Variants in TBCK observed in about 807,000 individuals in gnomAD.
TBCK encodes TBC domain-containing protein kinase-like protein.
TBCK carries 99 observed loss-of-function variants against 113.4 expected under a neutral mutation model. The observed-to-expected ratio is 0.87, with a 90% CI of 0.74 to 1.03. The LOEUF is 1.03. TBCK is among the 50% of genes least tolerant of loss of function. The probability of loss-of-function intolerance (pLI) is 0.00; values close to 1 mark genes in which losing one functional copy is unlikely to be tolerated. For synonymous variants in TBCK, 369 were observed against 370.8 expected (o/e 1.00, Z 0.05); for missense variants, 1,045 against 1,061.3 (o/e 0.98, Z 0.21).
chr4:106,112,217 G>A (rs1041945994), intron 24 of TBCK, among the ~76,000 whole-genome samples: 6 of 152,246 alleles, frequency 3.9e-5, no homozygotes, highest in African/African-American at 1.2e-4. Flanking sequence ...GCTAGGTTAT[G>A]ACCCTGATAT....
At chr4:106,058,027 T>C (rs1265238118) in intron 25 of TBCK, among the ~76,000 whole-genome samples, 1 of 151,764 alleles carries the variant, frequency 6.6e-6, no homozygotes, top group East Asian at 1.9e-4. Context: ...AAAGGTGTAG[T>C]CTACTGCAAA....
Position 106,043,237 on chromosome 4 carries a change from T to C in TBCK, c.*3333A>G, listed in dbSNP as rs555781447. On this transcript the variant is annotated 3_prime_UTR_variant, in exon 26 of 26. Coordinates refer to ENST00000394708, the MANE Select transcript of TBCK (RefSeq NM_001163435.3). ...TTTTGAAAAGAGGATGCAACTAGATTAAATTACCTTATTTTGGAAGTTATC... is the reference window on the plus strand; with the variant it reads ...TTTTGAAAAGAGGATGCAACTAGATCAAATTACCTTATTTTGGAAGTTATC... 3.9e-5 allele frequency: 6 copies of C among 152,326 alleles called. No homozygotes were observed. Among genetic ancestry groups the C allele is most frequent in the Non-Finnish European group, 8.8e-5 (6 of 68,024 alleles). The allele number at this position is 152,326 out of a possible 1,614,324, so 9.4% of individuals were successfully genotyped here. A position where few individuals can be genotyped will look rare whatever the true frequency, so the allele number is the denominator to read the frequency against.
intron 24 of TBCK, among the ~76,000 whole-genome samples, chr4:106,113,396 A>AT (rs1333866536): frequency 6.6e-6 from 1 of 152,234 alleles, no homozygotes; most frequent in Non-Finnish European, 1.5e-5. Flanking sequence ...TAGATGATAA[A>AT]TTTCAATTAG....
At chr4:106,123,941 G>T (rs974365413) in intron 23 of TBCK, among the ~76,000 whole-genome samples, 4 of 150,870 alleles carry the variant, frequency 2.7e-5, no homozygotes, top group Non-Finnish European at 5.9e-5. Context: ...ATAGGCATGG[G>T]CAAGGACTTC....
At chr4:106,235,137 A>G (rs1224785694) in intron 15 of TBCK, 132 bp downstream of exon 15, 1 of 513,336 alleles carries the variant, frequency 1.9e-6, no homozygotes, top group Non-Finnish European at 3.2e-6. Flanking sequence ...TAAAATTGCC[A>G]AATATTCTAA....
chr4:106,171,665 AG>A (rs1282281284), intron 22 of TBCK, among the ~76,000 whole-genome samples: 20 of 152,124 alleles, frequency 1.3e-4, no homozygotes, highest in Non-Finnish European at 2.5e-4. Context: ...CAAAAGTTAT[AG>A]GGGGAGAATA....
intron 23 of TBCK, among the ~76,000 whole-genome samples, chr4:106,145,981 T>A (rs565432058): frequency 3.3e-5 from 5 of 152,252 alleles, no homozygotes; most frequent in Admixed American, 2.0e-4. Context: ...TGGAAAGCAG[T>A]AGGGTGATTC....
intron 20 of TBCK, among the ~76,000 whole-genome samples, chr4:106,197,100 C>T (rs894916280): frequency 1.3e-5 from 2 of 151,844 alleles, no homozygotes; most frequent in Admixed American, 6.6e-5. Context: ...TGAAATGAAC[C>T]CTAAAATTGC....
chr4:106,044,932 T>A lies in TBCK; in HGVS notation c.*1638A>T, dbSNP rs1359629912. The A allele has an allele frequency of 1.3e-5, 2 of 152,190 alleles. No individual in the cohort carries two copies. The highest frequency in any genetic ancestry group is 1.3e-4 in the Admixed American group (2 of 15,284). The allele number at this position is 152,190 out of a possible 1,614,324, so 9.4% of individuals were successfully genotyped here. ...AGGCAGTCTTAACATTGGAGTGGAA[T>A]GTAAGTTATAGATGAATGAACACTT... is the stretch of plus-strand genomic sequence containing the variant. On this transcript the variant is annotated 3_prime_UTR_variant, in exon 26 of 26. Transcript: ENST00000394708.
At chr4:106,072,451 C>G (rs1737585139) in intron 25 of TBCK, among the ~76,000 whole-genome samples, 1 of 152,132 alleles carries the variant, frequency 6.6e-6, no homozygotes, top group Non-Finnish European at 1.5e-5. Context: ...GGTAGAGTGT[C>G]TGCCGAGAGA....
rs370436958 is a variant in TBCK, at chr4:106,163,096, A to G, written c.2235+7999T>C. On this transcript the variant is annotated intron_variant, in intron 23 of 25. Transcript: ENST00000394708. Reference sequence around the variant, plus strand: ...CCCTAAATCATCTCTCTCAAGTTCAAAGTTCCACATATTTCCAGGGCAGGG... The same window carrying G: ...CCCTAAATCATCTCTCTCAAGTTCAGAGTTCCACATATTTCCAGGGCAGGG... 3.3e-5 allele frequency among the ~76,000 whole-genome samples: 5 copies of G among 152,170 alleles called. No individual in the cohort carries two copies. The East Asian group carries it at 5.8e-4, about 18-fold the overall frequency.
intron 22 of TBCK, among the ~76,000 whole-genome samples, chr4:106,193,005 T>C (rs918599676): frequency 1.3e-5 from 2 of 152,158 alleles, no homozygotes; most frequent in African/African-American, 2.4e-5. Context: ...TTTTTACCCA[T>C]AGCTTCAAAG....
Position 106,211,066 on chromosome 4 carries a change from C to T in TBCK, c.1860+1684G>A, listed in dbSNP as rs537737732. 3.9e-5 allele frequency among the ~76,000 whole-genome samples: 6 copies of T among 152,156 alleles called. No individual in the cohort carries two copies. In the South Asian group the frequency reaches 8.3e-4, roughly 21 times the overall value. Reference sequence around the variant, plus strand: ...CCTCAGCCTTTCAAGCATAAGCCACCGCACCTGGTTTCCAAACATACTTGT... The same window carrying T: ...CCTCAGCCTTTCAAGCATAAGCCACTGCACCTGGTTTCCAAACATACTTGT... On this transcript the variant is annotated intron_variant, in intron 20 of 25. Coordinates refer to ENST00000394708, the MANE Select transcript of TBCK (RefSeq NM_001163435.3).
chr4:106,068,121 C>T (rs1578796763), intron 25 of TBCK, among the ~76,000 whole-genome samples: 1 of 151,930 alleles, frequency 6.6e-6, no homozygotes, highest in African/African-American at 2.4e-5. Context: ...GGATGTCTAT[C>T]TATTTAGATA....
In TBCK at chr4:106,127,976, C is replaced by G. The variant is rs146993303; in HGVS notation, c.2236-11598G>C. Among the ~76,000 whole-genome samples the G allele has an allele frequency of 3.9e-3, 599 of 152,240 alleles. 2 individuals carry two copies. Among genetic ancestry groups the G allele is most frequent in the African/African-American group, 0.014 (573 of 41,540 alleles). On this transcript the variant is annotated intron_variant, in intron 23 of 25. Coordinates refer to ENST00000394708, the MANE Select transcript of TBCK (RefSeq NM_001163435.3). ...ACACACACACACACGCGTACACACACATGCGTGCACACACCACCCCCACCC... is the reference window on the plus strand; with the variant it reads ...ACACACACACACACGCGTACACACAGATGCGTGCACACACCACCCCCACCC...
At position 106,233,613 on chromosome 4, in the gene TBCK, T is replaced by C. The variant is rs969653680; in HGVS notation, c.1487A>G (p.Asp496Gly). 1 of 1,611,376 alleles carries C rather than the reference T, an allele frequency of 6.2e-7. No individual in the cohort carries two copies. Among genetic ancestry groups the C allele is most frequent in the Admixed American group, 1.7e-5 (1 of 59,718 alleles). ...TTGTCTATCTGTAGGAATTGGAGTG[T>C]CTTTATCAATTGCATCGTACTTGGC... is the stretch of plus-strand genomic sequence containing the variant. ...IHAKYDAIDK[D>G]TPIPTDRQIE... Residue 496 changes from aspartate to glycine, a missense_variant, in exon 16 of 26, where the codon GAC becomes GGC. Coordinates refer to ENST00000394708, the MANE Select transcript of TBCK (RefSeq NM_001163435.3).
chr4:106,221,843 T>C (rs570455041), intron 19 of TBCK, among the ~76,000 whole-genome samples: 5 of 152,138 alleles, frequency 3.3e-5, no homozygotes, highest in South Asian at 4.2e-4. Context: ...AGAGAGATGA[T>C]TGAAAACCTA....
intron 2 of TBCK, among the ~76,000 whole-genome samples, chr4:106,302,335 TAC>T (rs1767034061): frequency 6.6e-6 from 1 of 152,108 alleles, no homozygotes; most frequent in Admixed American, 6.5e-5. Context: ...GTAGAACGAT[TAC>T]AGTTTCTAAG....
At chr4:106,245,988 T>C (rs982463834) in intron 10 of TBCK, among the ~76,000 whole-genome samples, 5 of 152,088 alleles carry the variant, frequency 3.3e-5, no homozygotes, top group African/African-American at 9.7e-5. Flanking sequence ...ATACATAGTA[T>C]TGGAAATTTT....
Sources: gnomAD v4.1 joint callset for allele counts (sites outside exome capture counted in the v4.1 genomes callset) on GRCh38, gnomAD v4.1.1 for gene constraint, MANE v1.5 for transcripts, NCBI Gene and HGNC (gene_info 2026-07-23, HGNC 2026-07-21) for gene names.